TAS2R1: variants seen among roughly 807,000 people sequenced by gnomAD.
TAS2R1 encodes taste 2 receptor member 1.
For missense variants in TAS2R1, 370 were observed against 353.4 expected (o/e 1.05, Z -0.38); for synonymous variants, 141 against 134.2 (o/e 1.05, Z -0.35).
intron 1 of TAS2R1, among the ~76,000 whole-genome samples, chr5:9,678,747 C>T (rs1198253722): frequency 1.3e-5 from 2 of 152,000 alleles, no homozygotes; most frequent in Non-Finnish European, 2.9e-5. Context: ...CATATGGACA[C>T]ATGGTGGGGA....
chr5:9,635,774 G>A (rs28884498), intron 2 of TAS2R1, among the ~76,000 whole-genome samples: 8,357 of 151,816 alleles, frequency 0.055, 365 homozygotes, highest in African/African-American at 0.12. Flanking sequence ...CTATGGTATC[G>A]GTTGTAATAT....
chr5:9,684,020 T>A (rs967348600), intron 1 of TAS2R1, among the ~76,000 whole-genome samples: 4 of 151,728 alleles, frequency 2.6e-5, no homozygotes, highest in Non-Finnish European at 4.4e-5. Flanking sequence ...CTGGGCAAAG[T>A]GGAGGTTTGA....
chr5:9,837,317 G>A, the TAS2R1 span, among the ~76,000 whole-genome samples: 1 of 152,164 alleles, frequency 6.6e-6, no homozygotes, highest in Non-Finnish European at 1.5e-5. Flanking sequence ...GGTGACGGAT[G>A]GGGTCCTAGA....
the TAS2R1 span, among the ~76,000 whole-genome samples, chr5:9,830,256 T>C: frequency 1.3e-5 from 2 of 151,934 alleles, no homozygotes; most frequent in Non-Finnish European, 2.9e-5. Flanking sequence ...GGAGAGATGA[T>C]AGACATAGAT....
the TAS2R1 span, among the ~76,000 whole-genome samples, chr5:9,755,413 C>T: frequency 6.6e-6 from 1 of 151,652 alleles, no homozygotes; most frequent in African/African-American, 2.4e-5. Context: ...CATGGTGAAA[C>T]CTGTCTCTAC....
At chr5:9,806,824 T>C in the TAS2R1 span, among the ~76,000 whole-genome samples, 1 of 152,140 alleles carries the variant, frequency 6.6e-6, no homozygotes, top group Admixed American at 6.5e-5. Context: ...AGAAAAACTC[T>C]TCTAGACATT....
rs948921673 is a variant in TAS2R1 at position 9,627,542 on chromosome 5, G to A, written c.*1591C>T. On this transcript the variant is annotated 3_prime_UTR_variant, in exon 1 of 1. Transcript: ENST00000382492. ...TATCATGACAAATTTCTCCCTGAAT[G>A]TTTGAAATTGCTCCCACTCTTTCAG... Among the ~76,000 whole-genome samples, 1 of 152,078 alleles carries A rather than the reference G, an allele frequency of 6.6e-6. No homozygotes were observed. The highest frequency in any genetic ancestry group is 2.4e-5 in the African/African-American group (1 of 41,414).
At position 9,638,312 on chromosome 5, in the gene TAS2R1, C is replaced by T. The variant is rs954650806; in HGVS notation, c.-80-8320G>A. Among the ~76,000 whole-genome samples the T allele has an allele frequency of 2.6e-5, 4 of 152,190 alleles. 1 individual carries two copies. The highest frequency in any genetic ancestry group is 9.6e-5 in the African/African-American group (4 of 41,456). On this transcript the variant is annotated intron_variant, in intron 2 of 2. Coordinates refer to the TAS2R1 transcript ENST00000506620. ...GGTCTCCCAGACATGGATTCCAGCA[C>T]CTGCTCTAGTGGAGGTGGCAGGGAA...
At chr5:9,770,906 C>T in the TAS2R1 span, among the ~76,000 whole-genome samples, 1 of 152,078 alleles carries the variant, frequency 6.6e-6, no homozygotes, top group Non-Finnish European at 1.5e-5. Context: ...TGTCTGATTG[C>T]TCTAATTAGG....
the TAS2R1 span, among the ~76,000 whole-genome samples, chr5:9,793,952 C>T: frequency 6.6e-6 from 1 of 152,102 alleles, no homozygotes; most frequent in South Asian, 2.1e-4. Context: ...AAACATTGTA[C>T]TCAGGAAGAT....
chr5:9,643,379 A>G (rs1740124295), intron 2 of TAS2R1, among the ~76,000 whole-genome samples: 2 of 152,204 alleles, frequency 1.3e-5, no homozygotes, highest in South Asian at 4.1e-4. Context: ...TTATTTGTGT[A>G]GCTAAACATA....
chr5:9,760,521 G>C, the TAS2R1 span, among the ~76,000 whole-genome samples: 4 of 152,210 alleles, frequency 2.6e-5, no homozygotes, highest in Non-Finnish European at 5.9e-5. Context: ...TTACAGGTAT[G>C]CAAGGCTGTT....
the TAS2R1 span, among the ~76,000 whole-genome samples, chr5:9,878,912 C>A: frequency 0.012 from 1,767 of 152,292 alleles, 35 homozygotes; most frequent in African/African-American, 0.04. Flanking sequence ...GTTTGGAGTG[C>A]AGACATAAAG....
the TAS2R1 span, among the ~76,000 whole-genome samples, chr5:9,738,861 A>T: frequency 1.3e-5 from 2 of 152,148 alleles, no homozygotes; most frequent in Non-Finnish European, 2.9e-5. Flanking sequence ...CTCTTCCTGC[A>T]TACACATATG....
chr5:9,875,016 G>C, the TAS2R1 span, among the ~76,000 whole-genome samples: 2 of 152,128 alleles, frequency 1.3e-5, no homozygotes, highest in South Asian at 4.1e-4. Flanking sequence ...CCCCATAAAA[G>C]AGATATGGCT....
chr5:9,729,263 C>T, the TAS2R1 span, among the ~76,000 whole-genome samples: 1 of 152,200 alleles, frequency 6.6e-6, no homozygotes, highest in Admixed American at 6.5e-5. Context: ...CTAGGGGCAG[C>T]CTCTATGGGG....
At chr5:9,831,406 T>C in the TAS2R1 span, among the ~76,000 whole-genome samples, 1 of 152,194 alleles carries the variant, frequency 6.6e-6, no homozygotes, top group African/African-American at 2.4e-5. Flanking sequence ...AATAAAATTT[T>C]ATAGCATTTA....
At chr5:9,844,226 A>G in the TAS2R1 span, among the ~76,000 whole-genome samples, 1 of 152,166 alleles carries the variant, frequency 6.6e-6, no homozygotes, top group African/African-American at 2.4e-5. Flanking sequence ...TTTTTCTATT[A>G]TATTAGCCTC....
At chr5:9,738,017 C>T in the TAS2R1 span, among the ~76,000 whole-genome samples, 2 of 152,144 alleles carry the variant, frequency 1.3e-5, no homozygotes, top group Non-Finnish European at 2.9e-5. Context: ...TAACGCAGAC[C>T]TTTCTCTCCA....
Sources: gnomAD v4.1 joint callset for allele counts (sites outside exome capture counted in the v4.1 genomes callset) on GRCh38, gnomAD v4.1.1 for gene constraint, MANE v1.5 for transcripts, NCBI Gene and HGNC (gene_info 2026-07-23, HGNC 2026-07-21) for gene names.